Variants in NRG3 observed in about 807,000 individuals in gnomAD.
NRG3 encodes the protein neuregulin 3.
A neutral mutation model predicts 66.9 loss-of-function variants in NRG3; 31 were observed. That is an observed-to-expected ratio of 0.46 (90% CI 0.35 to 0.63). NRG3 has a LOEUF of 0.63. Ranked by LOEUF, NRG3 falls within the 20% of genes least tolerant of loss-of-function variation. The pLI, the probability that NRG3 is intolerant of heterozygous loss-of-function variation, is 0.00. For synonymous variants in NRG3, 393 were observed against 359.4 expected (o/e 1.09, Z -1.06); for missense variants, 910 against 878.9 (o/e 1.04, Z -0.45).
At chr10:82,335,632 G>A (rs760324755) in intron 1 of NRG3, among the ~76,000 whole-genome samples, 5 of 152,016 alleles carry the variant, frequency 3.3e-5, no homozygotes, top group Non-Finnish European at 5.9e-5. Context: ...GGGCAACAAA[G>A]CAAGACCCTG....
At chr10:82,403,849 A>G (rs2087297437) in intron 2 of NRG3, among the ~76,000 whole-genome samples, 1 of 152,126 alleles carries the variant, frequency 6.6e-6, no homozygotes, top group Non-Finnish European at 1.5e-5. Context: ...ATACAATTCC[A>G]AATCTCTAGG....
intron 2 of NRG3, among the ~76,000 whole-genome samples, chr10:82,527,150 TA>T (rs770049150): frequency 6.6e-6 from 1 of 151,660 alleles, no homozygotes; most frequent in East Asian, 1.9e-4. Context: ...GGAGCATGGA[TA>T]AAAAAACTGT....
intron 3 of NRG3, among the ~76,000 whole-genome samples, chr10:82,807,042 C>A (rs972993303): frequency 6.6e-6 from 1 of 152,154 alleles, no homozygotes; most frequent in Non-Finnish European, 1.5e-5. Flanking sequence ...GCTGCCAAGA[C>A]CCTAATTGGT....
chr10:82,641,077 C>CTGGA (rs2050547438), intron 2 of NRG3, among the ~76,000 whole-genome samples: 1 of 7,116 alleles, frequency 1.4e-4, no homozygotes, highest in Non-Finnish European at 3.6e-4. Flanking sequence ...GTCGCCCAGG[C>CTGGA]TGGAGTGCAG....
At chr10:82,330,168 C>T (rs975137199) in intron 1 of NRG3, among the ~76,000 whole-genome samples, 12 of 151,976 alleles carry the variant, frequency 7.9e-5, no homozygotes, top group African/African-American at 2.9e-4. Flanking sequence ...TTTCCCTGGG[C>T]TAATATTCTT....
intron 3 of NRG3, among the ~76,000 whole-genome samples, chr10:82,834,354 A>T (rs1039955563): frequency 6.6e-6 from 1 of 152,148 alleles, no homozygotes; most frequent in Non-Finnish European, 1.5e-5. Flanking sequence ...ACTAATACCG[A>T]GTCCTCTTCA....
chr10:82,805,737 A>C (rs1342832963), intron 3 of NRG3, among the ~76,000 whole-genome samples: 1 of 152,142 alleles, frequency 6.6e-6, no homozygotes, highest in Non-Finnish European at 1.5e-5. Flanking sequence ...TGATGAGCTT[A>C]TGACTTGGGC....
chr10:82,356,881 G>A (rs898489868), intron 1 of NRG3, among the ~76,000 whole-genome samples: 4 of 152,142 alleles, frequency 2.6e-5, no homozygotes, highest in Non-Finnish European at 5.9e-5. Context: ...TTCATTTATA[G>A]CATTTAATTG....
chr10:82,850,721 A>T (rs1160243028), intron 3 of NRG3, among the ~76,000 whole-genome samples: 2 of 151,182 alleles, frequency 1.3e-5, no homozygotes, highest in Non-Finnish European at 2.9e-5. Context: ...AGCAAAAAAA[A>T]AAAAGAAATT....
chr10:82,956,665 T>A (rs1428621018), intron 5 of NRG3, among the ~76,000 whole-genome samples: 2 of 151,960 alleles, frequency 1.3e-5, no homozygotes, highest in Non-Finnish European at 2.9e-5. Context: ...TCTAATTTAA[T>A]CCCATGAGAG....
intron 1 of NRG3, among the ~76,000 whole-genome samples, chr10:82,070,273 G>A (rs1224514274): frequency 6.6e-6 from 1 of 152,054 alleles, no homozygotes; most frequent in Non-Finnish European, 1.5e-5. Context: ...ATGAGTACCA[G>A]GGAGAATGAG....
At chr10:82,864,774 C>T (rs990129646) in intron 3 of NRG3, among the ~76,000 whole-genome samples, 2 of 152,054 alleles carry the variant, frequency 1.3e-5, no homozygotes, top group Middle Eastern at 3.2e-3. Context: ...GCTGTCAATT[C>T]GAATAGTCAT....
rs1564656239 is a variant in NRG3, at chr10:82,199,873, C to CGT, written c.824-158866_824-158865insGT. ...CGCTATCTGTGTTATTGAGAGTGTG[C>CGT]ATGTGTGTGTGTGTGCGTGTGTGTG... On this transcript the variant is annotated intron_variant, in intron 1 of 8. Transcript: ENST00000372141. 7.0e-3 allele frequency among the ~76,000 whole-genome samples: 762 copies of CGT among 109,574 alleles called. 4 individuals carry two copies. Among genetic ancestry groups the CGT allele is most frequent in the East Asian group, 0.044 (189 of 4,294 alleles). 71.9% of individuals were successfully genotyped at this position (109,574 alleles called of 152,430 possible).
intron 4 of NRG3, among the ~76,000 whole-genome samples, chr10:82,893,901 G>A (rs1843406852): frequency 6.6e-6 from 1 of 151,686 alleles, no homozygotes; most frequent in Non-Finnish European, 1.5e-5. Flanking sequence ...AAGAATAGAA[G>A]GAAAAAATGA....
At chr10:81,947,732 T>G (rs1195340556) in intron 1 of NRG3, among the ~76,000 whole-genome samples, 2 of 152,012 alleles carry the variant, frequency 1.3e-5, no homozygotes, top group Non-Finnish European at 2.9e-5. Flanking sequence ...GTGTATGACC[T>G]AGTCTAATCA....
intron 1 of NRG3, among the ~76,000 whole-genome samples, chr10:82,258,799 C>T (rs934096870): frequency 2.6e-5 from 4 of 152,138 alleles, no homozygotes; most frequent in Non-Finnish European, 5.9e-5. Context: ...AAATGCCAGT[C>T]TTATGGCCAC....
intron 1 of NRG3, among the ~76,000 whole-genome samples, chr10:82,341,719 C>G (rs2082699921): frequency 6.6e-6 from 1 of 151,904 alleles, no homozygotes; most frequent in Admixed American, 6.6e-5. Flanking sequence ...ATTTGGTAAC[C>G]CAATAGGTAG....
intron 3 of NRG3, among the ~76,000 whole-genome samples, chr10:82,854,714 G>T (rs758745600): frequency 6.6e-6 from 1 of 152,102 alleles, no homozygotes; most frequent in Non-Finnish European, 1.5e-5. Flanking sequence ...AGTTCATCTT[G>T]TCTTACCTCA....
At chr10:82,949,500 G>T (rs1849317942) in intron 4 of NRG3, among the ~76,000 whole-genome samples, 1 of 151,932 alleles carries the variant, frequency 6.6e-6, no homozygotes, top group Non-Finnish European at 1.5e-5. Flanking sequence ...AATAGTGCTT[G>T]CTATAATTGA....
Sources: allele counts gnomAD v4.1 joint callset (sites outside exome capture counted in the v4.1 genomes callset), GRCh38; gene constraint gnomAD v4.1.1; transcripts MANE v1.5; gene names NCBI Gene and HGNC (gene_info 2026-07-23, HGNC 2026-07-21).